Variants in NTRK3 observed in about 807,000 individuals in gnomAD.
NTRK3 encodes neurotrophic receptor tyrosine kinase 3, also known as NT-3 growth factor receptor.
NTRK3 carries 24 observed loss-of-function variants against 91.7 expected under a neutral mutation model. The ratio of observed to expected loss-of-function variants is 0.26; its 90% CI spans 0.19 to 0.37. The LOEUF is 0.37. Ranked by LOEUF, NTRK3 falls within the 10% of genes least tolerant of loss-of-function variation. The pLI is 1.00. For synonymous variants in NTRK3, 483 were observed against 404.0 expected (o/e 1.20, Z -2.34); for missense variants, 880 against 1,068.9 (o/e 0.82, Z 2.46).
At chr15:87,886,709 C>CATATATATATATATAT (rs1340884735) in intron 17 of NTRK3, among the ~76,000 whole-genome samples, 5 of 60,604 alleles carry the variant, frequency 8.3e-5, no homozygotes, top group African/African-American at 2.6e-4. Flanking sequence ...TACATATATA[C>CATATATATATATATAT]ACACACACAC....
exon 19 of NTRK3, chr15:87,868,794 T>C (rs2064753334): frequency 4.5e-6 from 1 of 223,948 alleles, no homozygotes. Context: ...AAACCAGTGC[T>C]TAGAAAACAG....
chr15:88,075,502 T>C (rs748420554), intron 13 of NTRK3, among the ~76,000 whole-genome samples: 1 of 152,190 alleles, frequency 6.6e-6, no homozygotes, highest in Non-Finnish European at 1.5e-5. Context: ...AGCCCCACTG[T>C]GTCCCTAAAG....
chr15:88,070,285 G>T (rs1263034343), intron 13 of NTRK3, among the ~76,000 whole-genome samples: 1 of 151,996 alleles, frequency 6.6e-6, no homozygotes, highest in Non-Finnish European at 1.5e-5. Context: ...CCTCTGCCAG[G>T]TCTACCAGAG....
chr15:87,952,567 C>A (rs929274483), intron 14 of NTRK3, among the ~76,000 whole-genome samples: 1 of 152,206 alleles, frequency 6.6e-6, no homozygotes, highest in Non-Finnish European at 1.5e-5. Flanking sequence ...CTCCCACAGG[C>A]TTCCTCTGGA....
rs531940263 is a variant in NTRK3 at position 87,992,052 on chromosome 15, A to G, written c.1585+40805T>C. On this transcript the variant is annotated intron_variant, in intron 14 of 18. Coordinates refer to ENST00000394480, the Ensembl canonical transcript of NTRK3. ...AGGGCCACTGTTTGGGGGCTTCTTA[A>G]CATGTTTCCCAGCTTCCAGTCCTTA... Among the ~76,000 whole-genome samples, 46 of 151,958 alleles carry G rather than the reference A, an allele frequency of 3.0e-4. 1 individual carries two copies. In the South Asian group the frequency reaches 9.6e-3, roughly 32 times the overall value.
chr15:87,942,555 C>A (rs187062146), intron 14 of NTRK3, among the ~76,000 whole-genome samples: 1 of 152,240 alleles, frequency 6.6e-6, no homozygotes, highest in East Asian at 1.9e-4. Context: ...TGTCCTGGCA[C>A]GGCCTGGGAG....
At position 88,241,154 on chromosome 15, in the gene NTRK3, G is replaced by A. The variant is rs73452726; in HGVS notation, c.248+14752C>T. On this transcript the variant is annotated intron_variant, in intron 3 of 18. Coordinates refer to ENST00000394480, the Ensembl canonical transcript of NTRK3. This position sits in a 1 kb window ranked among gnomAD's most constrained non-coding sequence, Gnocchi z 4.3. Reference sequence around the variant, plus strand: ...GCTAATGCCATATAGGACACATCGTGGGGCTCCCGAGGGTGTCAGCTGGAC... The same window carrying A: ...GCTAATGCCATATAGGACACATCGTAGGGCTCCCGAGGGTGTCAGCTGGAC... Among the ~76,000 whole-genome samples, 2,383 of 152,302 alleles carry A rather than the reference G, an allele frequency of 0.016. 52 individuals carry two copies. Among genetic ancestry groups the A allele is most frequent in the African/African-American group, 0.053 (2,185 of 41,554 alleles).
chr15:88,084,908 T>C (rs76336201), intron 13 of NTRK3, among the ~76,000 whole-genome samples: 5,127 of 152,260 alleles, frequency 0.034, 272 homozygotes, highest in African/African-American at 0.11. Flanking sequence ...AGAACCATAG[T>C]ATGTACATGC....
At chr15:88,164,826 T>C (rs1306335507) in intron 5 of NTRK3, among the ~76,000 whole-genome samples, 1 of 152,206 alleles carries the variant, frequency 6.6e-6, no homozygotes, top group Non-Finnish European at 1.5e-5. Context: ...TACACCACCA[T>C]TTTCTGTAAT....
rs397736752 is a variant in NTRK3, at chr15:88,154,110, C to CAAAAA, written c.396-6712_396-6708dup. Among the ~76,000 whole-genome samples the CAAAAA allele has an allele frequency of 1.8e-4, 16 of 86,582 alleles. 1 individual carries two copies. The highest frequency in any genetic ancestry group is 5.9e-4 in the African/African-American group (15 of 25,320). 56.8% of individuals were successfully genotyped at this position (86,582 alleles called of 152,430 possible). ...CAGCACCAAGCCCACATAGACTTTG[C>CAAAAA]AAAAAAAAAAAAAAAAAAGAACAAA... On this transcript the variant is annotated intron_variant, in intron 5 of 18. Transcript: ENST00000394480.
At chr15:88,098,224 G>A (rs981914758) in intron 13 of NTRK3, among the ~76,000 whole-genome samples, 1 of 152,176 alleles carries the variant, frequency 6.6e-6, no homozygotes, top group South Asian at 2.1e-4. Context: ...ACCCCACCAC[G>A]GAAGTGATAT....
chr15:87,994,146 T>G (rs2075503234), intron 14 of NTRK3, among the ~76,000 whole-genome samples: 1 of 151,834 alleles, frequency 6.6e-6, no homozygotes, highest in African/African-American at 2.4e-5. Flanking sequence ...GTGAGAAAAA[T>G]GGTCACCAGG....
chr15:88,121,321 G>A (rs1357657624), intron 13 of NTRK3, among the ~76,000 whole-genome samples: 2 of 152,142 alleles, frequency 1.3e-5, no homozygotes, highest in African/African-American at 4.8e-5. Context: ...ACAGTGTGCA[G>A]CCAAGACAAA....
intron 14 of NTRK3, among the ~76,000 whole-genome samples, chr15:87,996,972 T>C (rs1016293193): frequency 6.6e-6 from 1 of 152,224 alleles, no homozygotes; most frequent in Admixed American, 6.5e-5. Context: ...ACACATTCAA[T>C]GCCTAGCAGC....
intron 14 of NTRK3, among the ~76,000 whole-genome samples, chr15:87,965,342 C>G (rs909535667): frequency 6.6e-6 from 1 of 152,222 alleles, no homozygotes; most frequent in African/African-American, 2.4e-5. Context: ...TCTCCAGGGT[C>G]TTTACCTTTC....
At chr15:88,180,681 T>TAAAA (rs3045935) in intron 5 of NTRK3, among the ~76,000 whole-genome samples, 4 of 107,796 alleles carry the variant, frequency 3.7e-5, no homozygotes, top group African/African-American at 1.0e-4. Flanking sequence ...GCCATTACCC[T>TAAAA]AAAAAAAAAA....
chr15:87,888,178 A>G (rs1596097018), intron 17 of NTRK3, among the ~76,000 whole-genome samples: 1 of 152,118 alleles, frequency 6.6e-6, no homozygotes, highest in East Asian at 1.9e-4. Flanking sequence ...AGAGTTTGAA[A>G]AATTTGGGAG....
chr15:88,088,229 T>C (rs1340613631), intron 13 of NTRK3, among the ~76,000 whole-genome samples: 2 of 152,260 alleles, frequency 1.3e-5, no homozygotes, highest in Middle Eastern at 3.4e-3. Context: ...CAAGGAGTTG[T>C]TGAGAGAAAA....
chr15:88,137,246 A>G (rs1160138558), intron 7 of NTRK3, among the ~76,000 whole-genome samples, 158 bp downstream of exon 7: 1 of 152,240 alleles, frequency 6.6e-6, no homozygotes, highest in Non-Finnish European at 1.5e-5. Context: ...AAGAAGGGGA[A>G]TGATGAGTCA....
Sources: allele counts gnomAD v4.1 joint callset (sites outside exome capture counted in the v4.1 genomes callset), GRCh38; gene constraint gnomAD v4.1.1; non-coding constraint Gnocchi (gnomAD v3.1); transcripts MANE v1.5; gene names NCBI Gene and HGNC (gene_info 2026-07-23, HGNC 2026-07-21).